Variants in DHDDS observed in about 807,000 individuals in gnomAD.
The protein encoded by DHDDS is dehydrodolichyl diphosphate synthase complex subunit DHDDS.
In DHDDS, 16 loss-of-function variants were observed where a neutral mutation model predicts 46.2. That is an observed-to-expected ratio of 0.35 (90% confidence interval 0.23 to 0.53). The LOEUF is 0.53. Among genes scored for constraint, DHDDS ranks in the 20% least tolerant of loss-of-function variants. The pLI, the probability that DHDDS is intolerant of heterozygous loss-of-function variation, is 0.94. For missense variants in DHDDS, 340 were observed against 423.7 expected, an observed-to-expected ratio of 0.80 and a Z score of 1.73; for synonymous variants, 151 against 163.1, an observed-to-expected ratio of 0.93 and a Z score of 0.56.
At chr1:26,447,700 C>G in intron 6 of DHDDS, 40 bp downstream of exon 6, 1 of 1,569,448 alleles carries the variant, frequency 6.4e-7, no homozygotes, top group Non-Finnish European at 8.8e-7. Flanking sequence ...TTAAGGAAAA[C>G]AGGCCTGGGC....
At chr1:26,451,763 G>A (rs1454886904) in intron 6 of DHDDS, among the ~76,000 whole-genome samples, 1 of 151,762 alleles carries the variant, frequency 6.6e-6, no homozygotes. Flanking sequence ...TGAGTAACTG[G>A]GACTACAGGC....
chr1:26,453,546 C>T (rs917065798), intron 6 of DHDDS, among the ~76,000 whole-genome samples: 3 of 152,096 alleles, frequency 2.0e-5, no homozygotes, highest in Non-Finnish European at 4.4e-5. Flanking sequence ...CGCTTGAGCT[C>T]ATAAGTTCGA....
At chr1:26,435,169 C>T (rs1202711445) in intron 2 of DHDDS, among the ~76,000 whole-genome samples, 1 of 151,530 alleles carries the variant, frequency 6.6e-6, no homozygotes, top group East Asian at 1.9e-4. Flanking sequence ...GCCACCACGC[C>T]CGGCTAATTT....
intron 8 of DHDDS, among the ~76,000 whole-genome samples, chr1:26,461,641 T>A (rs1257721767): frequency 6.6e-6 from 1 of 152,212 alleles, no homozygotes; most frequent in Non-Finnish European, 1.5e-5. Context: ...CGCCTTGGCT[T>A]CCCAAAGTGA....
chr1:26,459,096 T>C (rs1226812559), intron 7 of DHDDS, among the ~76,000 whole-genome samples: 1 of 152,250 alleles, frequency 6.6e-6, no homozygotes, highest in Non-Finnish European at 1.5e-5. Context: ...GTCTTGAAAC[T>C]TATAGTTTGC....
intron 6 of DHDDS, among the ~76,000 whole-genome samples, chr1:26,457,312 A>G (rs2075379283): frequency 6.6e-6 from 1 of 151,232 alleles, no homozygotes; most frequent in Admixed American, 6.6e-5. Context: ...TACAAAAAAA[A>G]AAAAAAACAA....
chr1:26,436,675 G>A (rs1037730291), intron 2 of DHDDS, among the ~76,000 whole-genome samples: 2 of 151,402 alleles, frequency 1.3e-5, no homozygotes, highest in Non-Finnish European at 2.9e-5. Flanking sequence ...TACCCGCCTC[G>A]GCCTCCCAAA....
At chr1:26,458,737 C>CAAAAAAA (rs11381495) in intron 7 of DHDDS, among the ~76,000 whole-genome samples, 11 of 71,628 alleles carry the variant, frequency 1.5e-4, no homozygotes, top group South Asian at 4.5e-4. Context: ...GACTCTGTCG[C>CAAAAAAA]AAAAAAAAAA....
chr1:26,469,102 C>A lies in DHDDS; in HGVS notation c.973C>A (p.Leu325Met). The A allele has an allele frequency of 1.2e-6, 2 of 1,612,606 alleles. No homozygotes were observed. Among genetic ancestry groups the A allele is most frequent in the Non-Finnish European group, 1.7e-6 (2 of 1,180,036 alleles). Residue 325 changes from leucine to methionine, a missense_variant, in exon 9 of 9, where the codon CTG (leucine) becomes ATG (methionine). Around this residue, in one of 2 missense-constraint regions of DHDDS, gnomAD observed 268 missense variants for 300.3 expected, o/e 0.89. Transcript: ENST00000236342. Reference sequence around the variant, plus strand: ...CTTGGAACTCAAGCGAGCTGACTGGCTGGCCCGTCTGGGCACTGCATCAGC... The same window carrying A: ...CTTGGAACTCAAGCGAGCTGACTGGATGGCCCGTCTGGGCACTGCATCAGC... Reference protein sequence around the residue: ...QALELKRADWLARLGTASA With the variant: ...QALELKRADWMARLGTASA
intron 6 of DHDDS, chr1:26,448,703 G>T (rs1445252183): frequency 6.6e-6 from 1 of 152,194 alleles, no homozygotes; most frequent in Admixed American, 6.5e-5. Context: ...TTAACCTTAT[G>T]TGTGAGAGAT....
chr1:26,455,901 G>A (rs1434218260), intron 6 of DHDDS, among the ~76,000 whole-genome samples: 1 of 152,136 alleles, frequency 6.6e-6, no homozygotes, highest in Non-Finnish European at 1.5e-5. Flanking sequence ...TTTCCAAGAT[G>A]TAACTCTAAC....
intron 2 of DHDDS, 107 bp downstream of exon 2, chr1:26,433,115 GT>G (rs1474448951): frequency 1.6e-6 from 2 of 1,219,566 alleles, no homozygotes; most frequent in Non-Finnish European, 2.4e-6. Context: ...ATGATGTTAA[GT>G]GGAATTTAGC....
chr1:26,444,273 G>A (rs577789196), intron 4 of DHDDS, among the ~76,000 whole-genome samples: 30 of 152,330 alleles, frequency 2.0e-4, no homozygotes, highest in Admixed American at 5.2e-4. Context: ...GGTCTGAGGA[G>A]GTGTAGAAAG....
intron 8 of DHDDS, among the ~76,000 whole-genome samples, chr1:26,464,748 G>C (rs1030943296): frequency 6.6e-6 from 1 of 152,118 alleles, no homozygotes; most frequent in African/African-American, 2.4e-5. Flanking sequence ...CTGTATGTCT[G>C]TGCTCTTGCC....
intron 6 of DHDDS, among the ~76,000 whole-genome samples, chr1:26,450,219 A>T (rs2075306565): frequency 6.6e-6 from 1 of 152,182 alleles, no homozygotes; most frequent in Non-Finnish European, 1.5e-5. Flanking sequence ...GCAGTGGGGC[A>T]ATCAAAGCTC....
At chr1:26,468,812 C>CCCCCCCCCCCCCCCCCCCCCT in intron 8 of DHDDS, 83 bp from the exon 9 acceptor site, 1 of 601,120 alleles carries the variant, frequency 1.7e-6, no homozygotes, top group Non-Finnish European at 2.8e-6. Context: ...CCACCCTGTG[C>CCCCCCCCCCCCCCCCCCCCCT]CCCACCCCCT....
chr1:26,438,650 A>G, intron 3 of DHDDS: 2 of 302,400 alleles, frequency 6.6e-6, no homozygotes, highest in South Asian at 6.2e-5. Context: ...ATCTGAGCCC[A>G]GGAAGCTTGA....
At chr1:26,459,685 C>A (rs1359223590) in intron 7 of DHDDS, among the ~76,000 whole-genome samples, 4 of 152,238 alleles carry the variant, frequency 2.6e-5, no homozygotes, top group Non-Finnish European at 5.9e-5. Context: ...CTTTATCAGA[C>A]AGTATGTCTT....
At chr1:26,448,850 A>G (rs1371165971) in intron 6 of DHDDS, among the ~76,000 whole-genome samples, 5 of 152,042 alleles carry the variant, frequency 3.3e-5, no homozygotes, top group Non-Finnish European at 7.4e-5. Flanking sequence ...CTTATCCTTT[A>G]CCTCTATTAT....
Sources: allele counts gnomAD v4.1 joint callset (sites outside exome capture counted in the v4.1 genomes callset), GRCh38; gene constraint gnomAD v4.1.1; regional missense constraint gnomAD v4.1.1; transcripts MANE v1.5; gene names NCBI Gene and HGNC (gene_info 2026-07-23, HGNC 2026-07-21).